ABHD2: variants seen among roughly 807,000 people sequenced by gnomAD.
ABHD2 encodes the protein monoacylglycerol lipase ABHD2.
In ABHD2, 20 loss-of-function variants were observed where a neutral mutation model predicts 48.1. That is an observed-to-expected ratio of 0.42 (90% CI 0.29 to 0.60). The LOEUF (loss-of-function observed/expected upper bound fraction) is 0.60, where lower values mean the gene tolerates loss of function less well. Ranked by LOEUF, ABHD2 falls within the 20% of genes least tolerant of loss-of-function variation. ABHD2 has a pLI of 0.24. For synonymous variants in ABHD2, 209 were observed against 214.2 expected (o/e 0.98, Z 0.21); for missense variants, 405 against 550.9 (o/e 0.74, Z 2.65).
intron 5 of ABHD2, among the ~76,000 whole-genome samples, chr15:89,172,966 T>A (rs2050954079): frequency 6.6e-6 from 1 of 152,194 alleles, no homozygotes; most frequent in African/African-American, 2.4e-5. Flanking sequence ...AAAGAGAAAT[T>A]GAGAACATTT....
At chr15:89,077,948 G>A in the ABHD2 span, among the ~76,000 whole-genome samples, 1 of 152,122 alleles carries the variant, frequency 6.6e-6, no homozygotes, top group Non-Finnish European at 1.5e-5. Flanking sequence ...CCTCTCCCCT[G>A]CTTACCAATG....
rs200904331 is a variant in ABHD2 at position 89,193,311 on chromosome 15, C to G, written c.1073C>G (p.Ser358Cys). 1.6e-5 allele frequency: 26 copies of G among 1,614,064 alleles called. No homozygotes were observed. In the East Asian group the frequency reaches 5.6e-4, roughly 35 times the overall value. ...VHESLLTIPK[S>C]LSEKRENVMF... ...GAAAGTCTTCTAACCATTCCAAAAT[C>G]TCTTTCAGGTAAGTGTTTCTTCCTG... is the stretch of plus-strand genomic sequence containing the variant. Residue 358 changes from serine to cysteine, a missense_variant, in exon 10 of 11, where the codon TCT (serine) becomes TGT (cysteine). Transcript: ENST00000352732.
chr15:89,060,814 C>A, the ABHD2 span, among the ~76,000 whole-genome samples: 87 of 152,138 alleles, frequency 5.7e-4, 1 homozygote, highest in East Asian at 0.014. Context: ...TTAAATATTT[C>A]TTTCCTAGTT....
intron 3 of ABHD2, among the ~76,000 whole-genome samples, chr15:89,144,700 G>T (rs8039249): frequency 0.019 from 2,899 of 152,270 alleles, 80 homozygotes; most frequent in African/African-American, 0.066. Flanking sequence ...GAGAAAATGG[G>T]AAGTGACTGC....
intron 4 of ABHD2, among the ~76,000 whole-genome samples, chr15:89,153,552 T>C (rs966877210): frequency 3.9e-5 from 6 of 152,228 alleles, no homozygotes; most frequent in African/African-American, 1.4e-4. Context: ...AGAAGAGTGA[T>C]TCTTCCTTGT....
At position 89,137,054 on chromosome 15, in the gene ABHD2, G is replaced by A. The variant is rs1033386224; in HGVS notation, c.195-14623G>A. Among the ~76,000 whole-genome samples the A allele has an allele frequency of 4.6e-5, 7 of 152,208 alleles. No homozygotes were observed. The highest frequency in any genetic ancestry group is 1.7e-4 in the African/African-American group (7 of 41,460). ...GCAGCCCAGGTCTGGGAATAGTGGT[G>A]CCTTCTCCTAAAGTTAGGTCACTAA... On this transcript the variant is annotated intron_variant, in intron 3 of 10. Coordinates refer to ENST00000352732, the MANE Select transcript of ABHD2 (RefSeq NM_152924.5). This position sits in a 1 kb window ranked among gnomAD's most constrained non-coding sequence, Gnocchi z 4.8.
At position 89,188,189 on chromosome 15, in the gene ABHD2, C is replaced by G. The variant is rs772591124; in HGVS notation, c.816-4C>G. The G allele has an allele frequency of 1.9e-6, 3 of 1,613,760 alleles. No homozygotes were observed. The highest frequency in any genetic ancestry group is 2.2e-5 in the South Asian group (2 of 91,072). On this transcript the variant is annotated splice_region_variant and splice_polypyrimidine_tract_variant and intron_variant, in intron 7 of 10. Transcript: ENST00000352732. This position sits in a 1 kb window ranked among gnomAD's most constrained non-coding sequence, Gnocchi z 4.1. ...ATCTCTGTTTGCTTTTGTGTTTGCT[C>G]TAGGCAAGCTCTTTTTGGAGACCAT...
At chr15:89,080,614 T>G in the ABHD2 span, among the ~76,000 whole-genome samples, 1 of 151,962 alleles carries the variant, frequency 6.6e-6, no homozygotes, top group Admixed American at 6.6e-5. Context: ...CAGCCAGCAG[T>G]TGGTGGAGGC....
chr15:89,156,771 T>TTG lies in ABHD2; in HGVS notation c.538+1239_538+1240dup, dbSNP rs373032821. ...GCTAAGGTTCTGGCTTCTGGACTGC[T>TTG]TGTTCTTGATTCTTATTAGCTCTCT... On this transcript the variant is annotated intron_variant, in intron 5 of 10. Coordinates refer to ENST00000352732, the MANE Select transcript of ABHD2 (RefSeq NM_152924.5). 4.9e-3 allele frequency among the ~76,000 whole-genome samples: 749 copies of TTG among 152,198 alleles called. 7 individuals are homozygous for TTG. The highest frequency in any genetic ancestry group is 0.017 in the African/African-American group (708 of 41,522).
At chr15:89,160,375 C>A (rs2050743476) in intron 5 of ABHD2, among the ~76,000 whole-genome samples, 1 of 152,148 alleles carries the variant, frequency 6.6e-6, no homozygotes, top group South Asian at 2.1e-4. Context: ...ACTTTTGTTT[C>A]TACACCCAGT....
chr15:89,174,264 A>T lies in ABHD2; in HGVS notation c.539-1548A>T, dbSNP rs920241946. Among the ~76,000 whole-genome samples the T allele has an allele frequency of 6.6e-6, 1 of 152,248 alleles. No individual in the cohort carries two copies. The highest frequency in any genetic ancestry group is 2.4e-5 in the African/African-American group (1 of 41,468). On this transcript the variant is annotated intron_variant, in intron 5 of 10. Coordinates refer to ENST00000352732, the MANE Select transcript of ABHD2 (RefSeq NM_152924.5). This position sits in a 1 kb window ranked among gnomAD's most constrained non-coding sequence, Gnocchi z 4.1. ...GTATGTTACCACTGGTATTTTTAAA[A>T]AGAATATAGGAAACTTACCTTTCAC...
intron 8 of ABHD2, among the ~76,000 whole-genome samples, chr15:89,190,030 G>A (rs2051277921): frequency 6.6e-6 from 1 of 152,084 alleles, no homozygotes; most frequent in Admixed American, 6.5e-5. Flanking sequence ...AGGCATCTTA[G>A]AGATGATCTC....
chr15:89,186,130 A>G lies in ABHD2; in HGVS notation c.815+614A>G, dbSNP rs1483245489. The stretch of plus-strand genomic sequence containing the variant: ...TCATTGTTGAGGAGACCTTCCCTGT[A>G]GGATGCTTCTGTGCCTGGGGGATCA... On this transcript the variant is annotated intron_variant, in intron 7 of 10. Coordinates refer to ENST00000352732, the MANE Select transcript of ABHD2 (RefSeq NM_152924.5). The surrounding 1 kb of genome is among the most constrained non-coding windows in gnomAD (Gnocchi z 4.3). Among the ~76,000 whole-genome samples the G allele has an allele frequency of 6.6e-6, 1 of 152,138 alleles. No individual in the cohort carries two copies. The highest frequency in any genetic ancestry group is 2.4e-5 in the African/African-American group (1 of 41,430).
intron 3 of ABHD2, among the ~76,000 whole-genome samples, chr15:89,124,518 T>G (rs2050102764): frequency 6.6e-6 from 1 of 152,238 alleles, no homozygotes; most frequent in Non-Finnish European, 1.5e-5. Context: ...AAATTTCTCT[T>G]AATTCCCTCT....
At chr15:89,073,872 C>A in the ABHD2 span, among the ~76,000 whole-genome samples, 1 of 152,136 alleles carries the variant, frequency 6.6e-6, no homozygotes, top group Non-Finnish European at 1.5e-5. Flanking sequence ...CCCACCCCAG[C>A]GTTTTTTACT....
intron 1 of ABHD2, among the ~76,000 whole-genome samples, chr15:89,105,691 C>T (rs2049773379): frequency 6.6e-6 from 1 of 152,196 alleles, no homozygotes; most frequent in Admixed American, 6.5e-5. Flanking sequence ...TTTATCCTTC[C>T]TTGTTATGGT....
At chr15:89,068,927 C>G in the ABHD2 span, among the ~76,000 whole-genome samples, 1 of 151,054 alleles carries the variant, frequency 6.6e-6, no homozygotes, top group Non-Finnish European at 1.5e-5. Context: ...TGCCACCACA[C>G]CCTGCTAATT....
At position 89,195,254 on chromosome 15, in the gene ABHD2, T is replaced by C; in HGVS notation, c.1109T>C (p.Leu370Pro). Residue 370 changes from leucine to proline, a missense_variant, in exon 11 of 11, where the codon CTG becomes CCG. Leu to Pro is a moderately conservative substitution (Grantham distance 98). Transcript: ENST00000352732. The surrounding 1 kb of genome is among the most constrained non-coding windows in gnomAD (Gnocchi z 5.1). ...AAACGAGAGAACGTCATGTTTGTGC[T>C]GCCTCTGCATGGGGGCCACTTGGGC... Reference protein sequence around the residue: ...SEKRENVMFVLPLHGGHLGFF... With the variant: ...SEKRENVMFVPPLHGGHLGFF... The C allele has an allele frequency of 1.2e-6, 2 of 1,614,130 alleles. No homozygotes were observed. The highest frequency in any genetic ancestry group is 1.7e-6 in the Non-Finnish European group (2 of 1,179,978).
Position 89,175,757 on chromosome 15 carries a change from T to G in ABHD2, c.539-55T>G. 1 of 1,600,922 alleles carries G rather than the reference T, an allele frequency of 6.2e-7. No individual in the cohort carries two copies. Among genetic ancestry groups the G allele is most frequent in the Non-Finnish European group, 8.5e-7 (1 of 1,170,974 alleles). ...TTTAGTAACGTTCCAGCTTGCATTT[T>G]CTCCAGATAGGATGCACCTGAAATG... On this transcript the variant is annotated intron_variant, in intron 5 of 10. Coordinates refer to ENST00000352732, the MANE Select transcript of ABHD2 (RefSeq NM_152924.5). This position sits in a 1 kb window ranked among gnomAD's most constrained non-coding sequence, Gnocchi z 5.7.
Sources: gnomAD v4.1 joint callset for allele counts (sites outside exome capture counted in the v4.1 genomes callset) on GRCh38, gnomAD v4.1.1 for gene constraint, Gnocchi (gnomAD v3.1) non-coding constraint, MANE v1.5 for transcripts, NCBI Gene and HGNC (gene_info 2026-07-23, HGNC 2026-07-21) for gene names.